Variants in GSE1 observed in about 807,000 individuals in gnomAD.
GSE1 encodes the protein Gse1 coiled-coil protein.
Under a neutral mutation model 112.6 loss-of-function variants are expected in GSE1, and 32 were observed. The observed-to-expected ratio is 0.28, with a 90% CI of 0.21 to 0.38. The LOEUF (loss-of-function observed/expected upper bound fraction) is 0.38, where lower values mean the gene tolerates loss of function less well. GSE1 is among the 10% of genes least tolerant of loss of function. The pLI, the probability that GSE1 is intolerant of heterozygous loss-of-function variation, is 1.00. For synonymous variants in GSE1, 1,115 were observed against 735.6 expected, an observed-to-expected ratio of 1.52 and a Z score of -8.35; for missense variants, 2,348 against 1,699.2, an observed-to-expected ratio of 1.38 and a Z score of -6.71.
chr16:85,659,036 C>T (rs188080931), intron 8 of GSE1, among the ~76,000 whole-genome samples: 24 of 152,342 alleles, frequency 1.6e-4, no homozygotes, highest in African/African-American at 5.3e-4. Context: ...GAAAACTGTT[C>T]AGTGCTTGGT....
intron 13 of GSE1, among the ~76,000 whole-genome samples, chr16:85,667,037 CT>C (rs1167491181): frequency 6.6e-6 from 1 of 152,224 alleles, no homozygotes; most frequent in African/African-American, 2.4e-5. Context: ...TACTATGCCA[CT>C]TTATATCAGG....
intron 2 of GSE1, among the ~76,000 whole-genome samples, chr16:85,456,465 C>T (rs376235978): frequency 4.6e-5 from 7 of 152,086 alleles, no homozygotes; most frequent in Non-Finnish European, 7.4e-5. Context: ...TTCAGCAGCA[C>T]GCAGCCCACC....
Position 85,257,418 on chromosome 16 carries a change from G to A in GSE1, c.2283+85611G>A, listed in dbSNP as rs189902527. 2.9e-3 allele frequency among the ~76,000 whole-genome samples: 445 copies of A among 152,290 alleles called. 4 individuals carry two copies. The highest frequency in any genetic ancestry group is 5.4e-3 in the Admixed American group (82 of 15,300). ...GAGCCACCACGCTCAGCAATGTTCT[G>A]CATTTTCTACCATATTTCCCCAGGA... On this transcript the variant is annotated intron_variant, in intron 1 of 2. Coordinates refer to the GSE1 transcript ENST00000637419.
chr16:85,199,875 A>G (rs1407630381), intron 1 of GSE1, among the ~76,000 whole-genome samples: 1 of 152,072 alleles, frequency 6.6e-6, no homozygotes, highest in Non-Finnish European at 1.5e-5. Flanking sequence ...GGAGGGGGCT[A>G]CTGCAGTGGT....
chr16:85,302,485 C>T (rs2045555845), intron 1 of GSE1, among the ~76,000 whole-genome samples: 1 of 151,474 alleles, frequency 6.6e-6, no homozygotes, highest in Non-Finnish European at 1.5e-5. Flanking sequence ...GATAGTACTG[C>T]TATCAAGGCT....
intron 1 of GSE1, among the ~76,000 whole-genome samples, chr16:85,574,387 T>C (rs2046134001): frequency 6.6e-6 from 1 of 152,202 alleles, no homozygotes; most frequent in Non-Finnish European, 1.5e-5. Context: ...GGAGGGCTCT[T>C]CTTGACACCC....
intron 9 of GSE1, 71 bp downstream of exon 9, chr16:85,661,836 G>A (rs1567750313): frequency 7.3e-7 from 1 of 1,375,948 alleles, no homozygotes; most frequent in Non-Finnish European, 9.6e-7. Flanking sequence ...CTGCATGCCA[G>A]CCACCTGCCC....
In GSE1 at chr16:85,183,796, A is replaced by G. The variant is rs1044090768; in HGVS notation, c.2283+11989A>G. Among the ~76,000 whole-genome samples the G allele has an allele frequency of 8.5e-5, 13 of 152,306 alleles. 1 individual carries two copies. The highest frequency in any genetic ancestry group is 6.5e-4 in the Admixed American group (10 of 15,300). On this transcript the variant is annotated intron_variant, in intron 1 of 2. Coordinates refer to the GSE1 transcript ENST00000637419. ...GCTCAGAGAGGTGGAGACACGTGCC[A>G]AGGTCAGAGCTGGGGAGCAGCAGAG...
At chr16:85,506,454 A>C (rs2051537698) in intron 2 of GSE1, among the ~76,000 whole-genome samples, 1 of 151,802 alleles carries the variant, frequency 6.6e-6, no homozygotes, top group Non-Finnish European at 1.5e-5. Flanking sequence ...CCAGGGAGGG[A>C]GGGAAGGGTT....
chr16:85,515,058 A>C (rs2051882843), intron 2 of GSE1, among the ~76,000 whole-genome samples: 1 of 152,130 alleles, frequency 6.6e-6, no homozygotes, highest in African/African-American at 2.4e-5. Flanking sequence ...TGTGTGTATG[A>C]ATGCATGCCT....
At chr16:85,495,465 A>G (rs915610965) in intron 2 of GSE1, among the ~76,000 whole-genome samples, 2 of 144,452 alleles carry the variant, frequency 1.4e-5, no homozygotes, top group Non-Finnish European at 3.0e-5. Context: ...TTATTTATTT[A>G]TTTATTTATT....
chr16:85,397,864 A>G lies in GSE1; in HGVS notation c.2464+40221A>G, dbSNP rs561889548. Among the ~76,000 whole-genome samples the G allele has an allele frequency of 9.9e-5, 15 of 152,058 alleles. 1 individual carries two copies. Among genetic ancestry groups the G allele is most frequent in the South Asian group, 2.1e-4 (1 of 4,804 alleles). ...ATCCTCCTCCTCCAGCCCGCATAGA[A>G]GGAGGTGTGAGGCTTCTGGAAGCAA... is the stretch of plus-strand genomic sequence containing the variant. On this transcript the variant is annotated intron_variant, in intron 2 of 2. Coordinates refer to the GSE1 transcript ENST00000637419.
chr16:85,545,311 C>G (rs1256083476), intron 2 of GSE1, among the ~76,000 whole-genome samples: 2 of 152,210 alleles, frequency 1.3e-5, no homozygotes, highest in Non-Finnish European at 2.9e-5. Flanking sequence ...AAAGAGTTCC[C>G]AAATACTGAG....
intron 1 of GSE1, among the ~76,000 whole-genome samples, chr16:85,356,697 G>T (rs2046957437): frequency 6.6e-6 from 1 of 152,174 alleles, no homozygotes; most frequent in African/African-American, 2.4e-5. Flanking sequence ...TCCCTATGTT[G>T]CCCAGGCTGG....
intron 1 of GSE1, among the ~76,000 whole-genome samples, chr16:85,293,246 C>T (rs1597313557): frequency 1.3e-5 from 2 of 152,248 alleles, no homozygotes; most frequent in South Asian, 2.1e-4. Context: ...TAACAAATCA[C>T]CACAAAAGTG....
At position 85,419,462 on chromosome 16, in the gene GSE1, C is replaced by T. The variant is rs1182903846; in HGVS notation, c.2464+61819C>T. Among the ~76,000 whole-genome samples, 3 of 151,944 alleles carry T rather than the reference C, an allele frequency of 2.0e-5. No homozygotes were observed. The highest frequency in any genetic ancestry group is 4.4e-5 in the Non-Finnish European group (3 of 67,992). ...ACCCTGTCTACGAACAAAAGTTAGC[C>T]AGGCGTGGTGGTGCACATCTGTGGT... On this transcript the variant is annotated intron_variant, in intron 2 of 2. Coordinates refer to the GSE1 transcript ENST00000637419. The surrounding 1 kb of genome is among the most constrained non-coding windows in gnomAD (Gnocchi z 6.5).
At chr16:85,307,480 G>A (rs1431069948) in intron 1 of GSE1, among the ~76,000 whole-genome samples, 2 of 152,202 alleles carry the variant, frequency 1.3e-5, no homozygotes, top group East Asian at 1.9e-4. Flanking sequence ...TACAGATGCA[G>A]GTTTAAGTCA....
At position 85,541,326 on chromosome 16, in the gene GSE1, G is replaced by A. The variant is rs565536164; in HGVS notation, c.2465-92588G>A. On this transcript the variant is annotated intron_variant, in intron 2 of 2. Coordinates refer to the GSE1 transcript ENST00000637419. ...ACAAAGAGTGCCAGGCCCTAGTCTA[G>A]GGCCTTCCCGAGGGACTTTCTCCAC... 5.3e-5 allele frequency among the ~76,000 whole-genome samples: 8 copies of A among 152,318 alleles called. No individual in the cohort carries two copies. In the South Asian group the frequency reaches 1.5e-3, roughly 28 times the overall value.
chr16:85,628,774 A>G (rs895014326), intron 1 of GSE1, among the ~76,000 whole-genome samples: 3 of 152,242 alleles, frequency 2.0e-5, no homozygotes, highest in East Asian at 1.9e-4. Flanking sequence ...AGTGAAAGAC[A>G]TAGCTCTTCT....
Sources: gnomAD v4.1 joint callset for allele counts (sites outside exome capture counted in the v4.1 genomes callset) on GRCh38, gnomAD v4.1.1 for gene constraint, Gnocchi (gnomAD v3.1) non-coding constraint, MANE v1.5 for transcripts, NCBI Gene and HGNC (gene_info 2026-07-23, HGNC 2026-07-21) for gene names.